ZNF57: variants seen among roughly 807,000 people sequenced by gnomAD.
The protein encoded by ZNF57 is zinc finger protein 424.
A neutral mutation model predicts 13.4 loss-of-function variants in ZNF57; 11 were observed. The observed-to-expected ratio is 0.82, with a 90% CI of 0.52 to 1.36. The LOEUF is 1.36. Among genes scored for constraint, ZNF57 ranks in the 40% most tolerant of loss-of-function variants. ZNF57 has a pLI of 0.00. For missense variants in ZNF57, 696 were observed against 667.5 expected (o/e 1.04, Z -0.47); for synonymous variants, 224 against 238.5 (o/e 0.94, Z 0.56).
chr19:2,917,298 G>A lies in ZNF57; in HGVS notation c.677G>A (p.Cys226Tyr). 1.9e-6 allele frequency: 3 copies of A among 1,614,074 alleles called. No homozygotes were observed. Among genetic ancestry groups the A allele is most frequent in the Non-Finnish European group, 2.5e-6 (3 of 1,179,962 alleles). Reference protein sequence around the residue: ...KTHTAEKTYKCEQCRMAFNGF... With the variant: ...KTHTAEKTYKYEQCRMAFNGF... ...CACACAGCAGAGAAAACCTACAAAT[G>A]CGAGCAGTGTCGGATGGCGTTTAAT... is the stretch of plus-strand genomic sequence containing the variant. The change falls in exon 4 of 4, where the codon TGC (cysteine) becomes TAC (tyrosine). Residue 226 changes from cysteine to tyrosine, a missense_variant. Transcript: ENST00000306908.
At chr19:2,905,912 A>G (rs1027091686) in intron 1 of ZNF57, among the ~76,000 whole-genome samples, 1 of 152,136 alleles carries the variant, frequency 6.6e-6, no homozygotes, top group African/African-American at 2.4e-5. Flanking sequence ...TTTGGATGTA[A>G]TGGAATTGTA....
chr19:2,911,188 A>T (rs2088131497), intron 1 of ZNF57, among the ~76,000 whole-genome samples: 1 of 151,952 alleles, frequency 6.6e-6, no homozygotes, highest in Non-Finnish European at 1.5e-5. Flanking sequence ...TCAGCTTCCC[A>T]AGTAGCTAGG....
Position 2,916,169 on chromosome 19 carries a change from C to T in ZNF57, c.222C>T (p.Phe74=), listed in dbSNP as rs906717965. 2 of 1,613,890 alleles carry T rather than the reference C, an allele frequency of 1.2e-6. No individual in the cohort carries two copies. Among genetic ancestry groups the T allele is most frequent in the Admixed American group, 3.3e-5 (2 of 59,980 alleles). The change falls in exon 3 of 4, where the codon TTC becomes TTT. Residue 74 remains phenylalanine, a synonymous_variant. Transcript: ENST00000306908. ...EKSKEQTIPN[F]TGNNSCAYTL... ...CTAAGGAACAGACAATACCAAACTT[C>T]ACAGGAAATAATTCCTGTGCCTACA...
At chr19:2,904,559 T>C (rs2088057132) in intron 1 of ZNF57, among the ~76,000 whole-genome samples, 1 of 152,044 alleles carries the variant, frequency 6.6e-6, no homozygotes, top group Non-Finnish European at 1.5e-5. Flanking sequence ...TTGTTTTTTT[T>C]GAGACAGAGT....
At chr19:2,914,197 A>G (rs756945612) in intron 1 of ZNF57, among the ~76,000 whole-genome samples, 14 of 152,188 alleles carry the variant, frequency 9.2e-5, no homozygotes, top group Non-Finnish European at 1.5e-4. Flanking sequence ...AAAAAAGAAA[A>G]AAGAATGGGT....
intron 2 of ZNF57, 65 bp from the exon 3 acceptor site, chr19:2,916,013 C>G: frequency 5.2e-6 from 8 of 1,530,390 alleles, no homozygotes; most frequent in Non-Finnish European, 7.1e-6. Context: ...CTAAACTCCT[C>G]AGTGTCTTCC....
At position 2,915,816 on chromosome 19, in the gene ZNF57, CAG is replaced by C. The variant is rs556338677; in HGVS notation, c.130+170_130+171del. On this transcript the variant is annotated intron_variant, in intron 2 of 3. Transcript: ENST00000306908. The stretch of plus-strand genomic sequence containing the variant: ...CCTAACAGTGAAAACATGTGTGAAA[CAG>C]ATGTTATTTCTGTCTTGGTTTAAAG... The C allele has an allele frequency of 8.7e-3, 10,389 of 1,190,456 alleles. 75 individuals are homozygous for C. Among genetic ancestry groups the C allele is most frequent in the Non-Finnish European group, 0.011 (8,753 of 818,394 alleles). The allele number at this position is 1,190,456 out of a possible 1,614,324, so 73.7% of individuals were successfully genotyped here.
chr19:2,902,017 GTCACAAGGGCGGGGTACAT>G (rs1241434283), intron 1 of ZNF57, among the ~76,000 whole-genome samples: 1 of 151,822 alleles, frequency 6.6e-6, no homozygotes, highest in Non-Finnish European at 1.5e-5. Flanking sequence ...AGCGTGTATT[GTCACAAGGGCGGGGTACAT>G]TCACAAGGGC....
intron 1 of ZNF57, among the ~76,000 whole-genome samples, chr19:2,901,766 C>A (rs983559893): frequency 1.3e-5 from 2 of 152,196 alleles, no homozygotes; most frequent in Non-Finnish European, 2.9e-5. Flanking sequence ...ATCCGCCCGC[C>A]TCGGCCTCCC....
At chr19:2,908,655 G>C (rs62125392) in intron 1 of ZNF57, among the ~76,000 whole-genome samples, 37 of 151,792 alleles carry the variant, frequency 2.4e-4, no homozygotes, top group African/African-American at 8.9e-4. Context: ...CGCCCTCCTC[G>C]GCCTCCCAAA....
At position 2,916,196 on chromosome 19, in the gene ZNF57, T is replaced by G. The variant is rs771137289; in HGVS notation, c.249T>G (p.Thr83=). ...NFTGNNSCAY[T]LEKNCEGYGT... is the part of the protein sequence containing the mutation. ...CAGGAAATAATTCCTGTGCCTACAC[T>G]TTAGAAAAAAATTGTGAAGGCTATG... The change falls in exon 3 of 4, where the codon ACT becomes ACG. Residue 83 remains threonine (T), a synonymous_variant. Transcript: ENST00000306908. 1 of 1,613,326 alleles carries G rather than the reference T, an allele frequency of 6.2e-7. No homozygotes were observed. Among genetic ancestry groups the G allele is most frequent in the Non-Finnish European group, 8.5e-7 (1 of 1,179,770 alleles).
At chr19:2,903,201 G>C (rs2088043693) in intron 1 of ZNF57, among the ~76,000 whole-genome samples, 1 of 152,154 alleles carries the variant, frequency 6.6e-6, no homozygotes, top group Non-Finnish European at 1.5e-5. Flanking sequence ...TAAGCAGTGG[G>C]TTTAGTTTAT....
intron 1 of ZNF57, among the ~76,000 whole-genome samples, chr19:2,904,901 G>C (rs144723085): frequency 7.2e-5 from 11 of 152,094 alleles, no homozygotes; most frequent in Admixed American, 7.2e-4. Flanking sequence ...ATGCCTGGAC[G>C]TTGTAAGAAC....
At position 2,917,310 on chromosome 19, in the gene ZNF57, G is replaced by A. The variant is rs62125399; in HGVS notation, c.689G>A (p.Arg230Gln). 82 of 1,613,930 alleles carry A rather than the reference G, an allele frequency of 5.1e-5. No homozygotes were observed. The highest frequency in any genetic ancestry group is 1.7e-4 in the African/African-American group (13 of 74,914). Reference protein sequence around the residue: ...AEKTYKCEQCRMAFNGFASFT... With the variant: ...AEKTYKCEQCQMAFNGFASFT... ...AAAACCTACAAATGCGAGCAGTGTCGGATGGCGTTTAATGGGTTCGCAAGC... is the reference window on the plus strand; with the variant it reads ...AAAACCTACAAATGCGAGCAGTGTCAGATGGCGTTTAATGGGTTCGCAAGC... Residue 230 changes from arginine (R) to glutamine (Q), a missense_variant, in exon 4 of 4, where the codon CGG becomes CAG. By Grantham distance (43) the Arg-to-Gln change is conservative. Coordinates refer to ENST00000306908, the MANE Select transcript of ZNF57 (RefSeq NM_173480.3).
At position 2,915,659 on chromosome 19, in the gene ZNF57, C is replaced by T. The variant is rs201702047; in HGVS notation, c.130+11C>T. ...ACCTGGCCTCAGTAGGTGAGGATGG[C>T]ATCATTCCTTCCCTTGGTTTTTAAT... is the stretch of plus-strand genomic sequence containing the variant. On this transcript the variant is annotated intron_variant, in intron 2 of 3. Transcript: ENST00000306908. 43 of 1,613,596 alleles carry T rather than the reference C, an allele frequency of 2.7e-5. No homozygotes were observed. The Middle Eastern group carries it at 8.3e-4, about 31-fold the overall frequency.
chr19:2,908,017 A>G (rs779168941), intron 1 of ZNF57, among the ~76,000 whole-genome samples: 10 of 152,180 alleles, frequency 6.6e-5, no homozygotes, highest in South Asian at 4.1e-4. Context: ...CAGGGCCCCA[A>G]TCAAGATTTG....
At chr19:2,908,874 G>A (rs970888636) in intron 1 of ZNF57, among the ~76,000 whole-genome samples, 2 of 150,858 alleles carry the variant, frequency 1.3e-5, no homozygotes, top group African/African-American at 4.9e-5. Flanking sequence ...TAGAGATTTG[G>A]CTGTTCTTGA....
intron 1 of ZNF57, among the ~76,000 whole-genome samples, chr19:2,912,462 G>C (rs146232165): frequency 4.4e-3 from 676 of 152,282 alleles, no homozygotes; most frequent in Non-Finnish European, 7.1e-3. Flanking sequence ...TACAGCTCAG[G>C]GTTTCCCATC....
Position 2,915,508 on chromosome 19 carries a change from G to T in ZNF57, c.4-14G>T, listed in dbSNP as rs895333221. The T allele has an allele frequency of 3.7e-6, 6 of 1,613,074 alleles. No individual in the cohort carries two copies. In the South Asian group the frequency reaches 4.4e-5, roughly 12 times the overall value. On this transcript the variant is annotated splice_polypyrimidine_tract_variant and intron_variant, in intron 1 of 3. Coordinates refer to ENST00000306908, the MANE Select transcript of ZNF57 (RefSeq NM_173480.3). ...GTCTCCAATCCTCCTGCACACCTGT[G>T]TGGTTTGTCTTAGGACTCAGTGGTC...
Sources: gnomAD v4.1 joint callset for allele counts (sites outside exome capture counted in the v4.1 genomes callset) on GRCh38, gnomAD v4.1.1 for gene constraint, MANE v1.5 for transcripts, NCBI Gene and HGNC (gene_info 2026-07-23, HGNC 2026-07-21) for gene names.